Variants in STRADA observed in about 807,000 individuals in gnomAD.
The protein encoded by STRADA is STE20-related kinase adapter protein alpha.
In STRADA, 26 loss-of-function variants were observed where a neutral mutation model predicts 55.0. The ratio of observed to expected loss-of-function variants is 0.47; its 90% confidence interval spans 0.35 to 0.66. STRADA has a LOEUF of 0.66. STRADA is among the 30% of genes least tolerant of loss of function. The probability of loss-of-function intolerance (pLI) is 0.01; values close to 1 mark genes in which losing one functional copy is unlikely to be tolerated. For missense variants in STRADA, 443 were observed against 549.7 expected (o/e 0.81, Z 1.94); for synonymous variants, 197 against 210.9 (o/e 0.93, Z 0.57).
At chr17:63,731,177 C>T (rs1340611871) in intron 1 of STRADA, among the ~76,000 whole-genome samples, 1 of 151,600 alleles carries the variant, frequency 6.6e-6, no homozygotes, top group Non-Finnish European at 1.5e-5. Context: ...CTCCTGACCT[C>T]GTGATCTGCC....
intron 1 of STRADA, chr17:63,741,500 C>T (rs556995450): frequency 6.5e-6 from 1 of 153,984 alleles, no homozygotes; most frequent in South Asian, 2.1e-4. Flanking sequence ...AGGAGCCCGC[C>T]TCTCTCGCCC....
In STRADA at chr17:63,712,070, C is replaced by G. The variant is rs545923804; in HGVS notation, c.349-1234G>C. Among the ~76,000 whole-genome samples the G allele has an allele frequency of 4.9e-4, 74 of 152,262 alleles. No individual in the cohort carries two copies. In the South Asian group the frequency reaches 7.9e-3, roughly 16 times the overall value. On this transcript the variant is annotated intron_variant, in intron 6 of 12. Transcript: ENST00000336174. ...CAGGTCCTAGAGCACCATCAGGTAA[C>G]CACCAATTCAGAAAAAGTTGTAAAT...
At chr17:63,715,363 G>A (rs1480893497) in intron 4 of STRADA, 1 of 152,226 alleles carries the variant, frequency 6.6e-6, no homozygotes, top group African/African-American at 2.4e-5. Flanking sequence ...CAAAACGTGA[G>A]TACATGGCAC....
chr17:63,703,672 G>T lies in STRADA; in HGVS notation c.1223C>A (p.Ser408Tyr), dbSNP rs200730710. The T allele has an allele frequency of 8.7e-6, 14 of 1,614,100 alleles. No homozygotes were observed. The African/African-American group carries it at 1.3e-4, about 15-fold the overall frequency. Residue 408 changes from serine to tyrosine, a missense_variant, in exon 13 of 13, where the codon TCT becomes TAT. By Grantham distance (144) the Ser-to-Tyr change is moderately radical. Coordinates refer to ENST00000336174, the MANE Select transcript of STRADA (RefSeq NM_001003787.4). ...TPITNFEGSQ[S>Y]QDHSGIFGLV... ...GCCAAAGATTCCACTGTGGTCCTGA[G>T]ACTGGCTGCCCTCAAAATTGGTGAT...
chr17:63,721,827 T>G (rs781766638), intron 4 of STRADA, among the ~76,000 whole-genome samples: 29 of 152,338 alleles, frequency 1.9e-4, no homozygotes, highest in Non-Finnish European at 2.2e-4. Flanking sequence ...GCAACTGCTC[T>G]GTCCCCAGCT....
In STRADA at chr17:63,716,459, G is replaced by A. The variant is rs1363602200; in HGVS notation, c.124-2351C>T. On this transcript the variant is annotated intron_variant, in intron 4 of 12. Transcript: ENST00000336174. ...GGTATTTTCAGATTTCTTAATTTTT[G>A]CCAGTCTCATGGATTTGATTTACAT... is the stretch of plus-strand genomic sequence containing the variant. 2.0e-5 allele frequency among the ~76,000 whole-genome samples: 3 copies of A among 151,820 alleles called. No individual in the cohort carries two copies. In the East Asian group the frequency reaches 5.8e-4, roughly 29 times the overall value.
At position 63,713,524 on chromosome 17, in the gene STRADA, T is replaced by C. The variant is rs2036645929; in HGVS notation, c.230A>G (p.Lys77Arg). The C allele has an allele frequency of 1.9e-6, 3 of 1,613,476 alleles. No individual in the cohort carries two copies. The highest frequency in any genetic ancestry group is 2.2e-5 in the East Asian group (1 of 44,892). ...CACAGTCATCAGGTCCTCAAATCCTTTGCCTAAAAGAAAAAGGGAATGCCA... is the reference window on the plus strand; with the variant it reads ...CACAGTCATCAGGTCCTCAAATCCTCTGCCTAAAAGAAAAAGGGAATGCCA... ...GCYELLTVIG[K>R]GFEDLMTVNL... Residue 77 changes from lysine to arginine, a missense_variant, in exon 6 of 13, where the codon AAA (lysine) becomes AGA (arginine). By Grantham distance (26) the Lys-to-Arg change is conservative. Transcript: ENST00000336174.
Position 63,704,169 on chromosome 17 carries a change from T to C in STRADA, c.1101-122A>G, listed in dbSNP as rs1174472783. ...CTCTCCCTCAGCTCATGGGAAGCAGTGGCCAGAGCTCCCCAGGCTGGCCTC... is the reference window on the plus strand; with the variant it reads ...CTCTCCCTCAGCTCATGGGAAGCAGCGGCCAGAGCTCCCCAGGCTGGCCTC... On this transcript the variant is annotated intron_variant, in intron 11 of 12. Coordinates refer to ENST00000336174, the MANE Select transcript of STRADA (RefSeq NM_001003787.4). The C allele has an allele frequency of 2.0e-6, 3 of 1,522,524 alleles. No homozygotes were observed. The African/African-American group carries it at 4.1e-5, about 21-fold the overall frequency. The allele number at this position is 1,522,524 out of a possible 1,614,324, so 94.3% of individuals were successfully genotyped here.
At chr17:63,704,964 C>A in intron 10 of STRADA, 1 of 1,490,156 alleles carries the variant, frequency 6.7e-7, no homozygotes, top group Non-Finnish European at 9.0e-7. Flanking sequence ...GTCTGCCATG[C>A]TCAGGTGGAT....
At chr17:63,710,424 C>T (rs1482223274) in intron 8 of STRADA, 67 bp downstream of exon 8, 2 of 1,593,418 alleles carry the variant, frequency 1.3e-6, no homozygotes, top group African/African-American at 2.7e-5. Context: ...TCAAACTTCA[C>T]TTTACCTGAA....
At position 63,730,342 on chromosome 17, in the gene STRADA, G is replaced by A. The variant is rs147851317; in HGVS notation, c.-44-1929C>T. On this transcript the variant is annotated intron_variant, in intron 1 of 12. Transcript: ENST00000336174. ...GGAAGTTGCCTTCATAGGGCCCTCC[G>A]GTCTCCTGCTACAATCTGGACTAAC... is the stretch of plus-strand genomic sequence containing the variant. Among the ~76,000 whole-genome samples the A allele has an allele frequency of 2.2e-3, 331 of 151,500 alleles. 2 individuals are homozygous for A. The highest frequency in any genetic ancestry group is 7.3e-3 in the African/African-American group (303 of 41,236).
At chr17:63,733,315 A>G (rs1453415308) in intron 1 of STRADA, among the ~76,000 whole-genome samples, 1 of 152,150 alleles carries the variant, frequency 6.6e-6, no homozygotes, top group East Asian at 1.9e-4. Flanking sequence ...TATAACTGAC[A>G]ATAAAACAGC....
At chr17:63,718,999 C>G (rs140418126) in intron 4 of STRADA, 1 of 152,326 alleles carries the variant, frequency 6.6e-6, no homozygotes, top group Non-Finnish European at 1.5e-5. Flanking sequence ...CTGTCATGTT[C>G]ACTGATGTAT....
At chr17:63,731,256 C>CTTTTT (rs60777564) in intron 1 of STRADA, among the ~76,000 whole-genome samples, 3 of 78,044 alleles carry the variant, frequency 3.8e-5, no homozygotes, top group Non-Finnish European at 6.4e-5. Context: ...ATATTCTTTC[C>CTTTTT]TTTTTTTTTT....
At chr17:63,725,193 C>CT (rs1410693362) in intron 3 of STRADA, among the ~76,000 whole-genome samples, 1 of 152,064 alleles carries the variant, frequency 6.6e-6, no homozygotes, top group Non-Finnish European at 1.5e-5. Context: ...GATCGTGCCA[C>CT]TGCACTCCAG....
At chr17:63,724,134 AT>A (rs1037908160) in intron 3 of STRADA, among the ~76,000 whole-genome samples, 9 of 150,540 alleles carry the variant, frequency 6.0e-5, no homozygotes, top group East Asian at 3.9e-4. Context: ...CTTCTTTTTA[AT>A]TTTTTTTTTA....
intron 4 of STRADA, among the ~76,000 whole-genome samples, chr17:63,720,113 C>G (rs906168677): frequency 6.6e-6 from 1 of 151,560 alleles, no homozygotes; most frequent in Non-Finnish European, 1.5e-5. Flanking sequence ...CCTCGAACTC[C>G]AGGGCTCAAG....
chr17:63,711,209 G>T (rs564140926), intron 6 of STRADA, among the ~76,000 whole-genome samples: 1 of 152,244 alleles, frequency 6.6e-6, no homozygotes, highest in East Asian at 1.9e-4. Flanking sequence ...TTTTGTTGTT[G>T]TTATTTGTAG....
chr17:63,719,737 G>A (rs747447615), intron 4 of STRADA, among the ~76,000 whole-genome samples: 2 of 152,128 alleles, frequency 1.3e-5, no homozygotes, highest in Non-Finnish European at 2.9e-5. Flanking sequence ...GCGCACCTCG[G>A]CCTCCCAAAG....
Sources: allele counts gnomAD v4.1 joint callset (sites outside exome capture counted in the v4.1 genomes callset), GRCh38; gene constraint gnomAD v4.1.1; transcripts MANE v1.5; gene names NCBI Gene and HGNC (gene_info 2026-07-23, HGNC 2026-07-21).